The following CLEC1A variants were observed in gnomAD, a reference collection of about 807,000 sequenced individuals.
The protein encoded by CLEC1A is C-type lectin-like receptor-1.
Under a neutral mutation model 28.7 loss-of-function variants are expected in CLEC1A, and 34 were observed. The observed-to-expected ratio is 1.18, with a 90% CI of 0.90 to 1.57. The LOEUF (loss-of-function observed/expected upper bound fraction) is 1.57, where lower values mean the gene tolerates loss of function less well. CLEC1A is among the 40% of genes most tolerant of loss of function. The pLI is 0.00. For synonymous variants in CLEC1A, 116 were observed against 121.0 expected, an observed-to-expected ratio of 0.96 and a Z score of 0.27; for missense variants, 385 against 339.5, an observed-to-expected ratio of 1.13 and a Z score of -1.05.
intron 3 of CLEC1A, among the ~76,000 whole-genome samples, chr12:10,079,522 TA>T (rs113337094): frequency 0.28 from 42,936 of 151,876 alleles, 6,942 homozygotes; most frequent in African/African-American, 0.45. Flanking sequence ...TCGGTTACCT[TA>T]AAAAAAAATT....
chr12:10,090,154 C>G lies in CLEC1A; in HGVS notation c.116-932G>C, dbSNP rs556884337. ...AACAAACTGTGATCTCTTTGTAGCC[C>G]GTTAGTTCTACTTCACTGAGAATTC... On this transcript the variant is annotated intron_variant, in intron 1 of 5. Transcript: ENST00000315330. 2.6e-5 allele frequency among the ~76,000 whole-genome samples: 4 copies of G among 152,216 alleles called. No homozygotes were observed. In the South Asian group the frequency reaches 8.3e-4, roughly 32 times the overall value.
intron 3 of CLEC1A, among the ~76,000 whole-genome samples, 183 bp downstream of exon 3, chr12:10,081,054 A>T (rs1296311831): frequency 6.6e-6 from 1 of 152,138 alleles, no homozygotes; most frequent in East Asian, 1.9e-4. Flanking sequence ...CCCTTGATGC[A>T]TGGTATCACA....
At chr12:10,084,046 A>G (rs868162559) in intron 2 of CLEC1A, 3 of 152,210 alleles carry the variant, frequency 2.0e-5, no homozygotes, top group Non-Finnish European at 4.4e-5. Flanking sequence ...TTGGAGTTAT[A>G]GTAAATGGCC....
intron 1 of CLEC1A, among the ~76,000 whole-genome samples, chr12:10,089,788 G>A (rs892810481): frequency 2.0e-5 from 3 of 152,090 alleles, no homozygotes; most frequent in African/African-American, 7.2e-5. Context: ...TCCCGCTATT[G>A]TAAGGATATT....
At chr12:10,090,545 T>C (rs528532754) in intron 1 of CLEC1A, among the ~76,000 whole-genome samples, 1 of 152,272 alleles carries the variant, frequency 6.6e-6, no homozygotes, top group South Asian at 2.1e-4. Flanking sequence ...ATTACAGGCA[T>C]GAGCCACCGC....
intron 1 of CLEC1A, among the ~76,000 whole-genome samples, chr12:10,092,082 C>T (rs1327618842): frequency 2.6e-5 from 4 of 152,130 alleles, no homozygotes; most frequent in African/African-American, 9.7e-5. Context: ...CATTAATATG[C>T]ATCTCAAAGT....
chr12:10,082,342 T>C (rs1866390009), intron 2 of CLEC1A, among the ~76,000 whole-genome samples: 1 of 151,992 alleles, frequency 6.6e-6, no homozygotes, highest in Non-Finnish European at 1.5e-5. Context: ...GTGGTGTTGG[T>C]GGGGCATGGG....
chr12:10,086,677 C>A (rs931295440), intron 2 of CLEC1A, among the ~76,000 whole-genome samples: 1 of 152,056 alleles, frequency 6.6e-6, no homozygotes, highest in Non-Finnish European at 1.5e-5. Flanking sequence ...ACATTGCCAA[C>A]AAATTAAAGT....
At chr12:10,088,771 C>A (rs1327540552) in intron 2 of CLEC1A, among the ~76,000 whole-genome samples, 2 of 152,030 alleles carry the variant, frequency 1.3e-5, no homozygotes, top group Non-Finnish European at 2.9e-5. Flanking sequence ...GCCCACTGAA[C>A]CTTGTATTCT....
At chr12:10,094,144 T>C (rs542410926) in intron 1 of CLEC1A, among the ~76,000 whole-genome samples, 18 of 152,266 alleles carry the variant, frequency 1.2e-4, no homozygotes, top group African/African-American at 2.4e-5. Flanking sequence ...CTCAATTTTA[T>C]ATCCCCATCA....
chr12:10,077,452 GA>G (rs1346323425), intron 3 of CLEC1A, among the ~76,000 whole-genome samples: 1 of 152,004 alleles, frequency 6.6e-6, no homozygotes, highest in African/African-American at 2.4e-5. Flanking sequence ...TTTTAAAGGA[GA>G]AAAATGCATA....
intron 3 of CLEC1A, among the ~76,000 whole-genome samples, chr12:10,077,330 TACAGAC>T (rs1230976571): frequency 7.2e-5 from 11 of 152,136 alleles, no homozygotes; most frequent in Admixed American, 7.2e-4. Context: ...TAGATATAGG[TACAGAC>T]ATAGATATAG....
intron 3 of CLEC1A, among the ~76,000 whole-genome samples, chr12:10,076,654 C>T (rs1355875621): frequency 6.6e-6 from 1 of 152,066 alleles, no homozygotes; most frequent in Admixed American, 6.6e-5. Flanking sequence ...CTCAGACGTT[C>T]TAAAACACAG....
rs748354597 is a variant in CLEC1A at position 10,077,700 on chromosome 12, G to A, written c.392-2045C>T. 5.3e-5 allele frequency among the ~76,000 whole-genome samples: 8 copies of A among 152,142 alleles called. No individual in the cohort carries two copies. In the East Asian group the frequency reaches 7.7e-4, roughly 15 times the overall value. On this transcript the variant is annotated intron_variant, in intron 3 of 5. Coordinates refer to ENST00000315330, the MANE Select transcript of CLEC1A (RefSeq NM_016511.4). ...TTAGCAAGGCCAATAACCCCAGGAC[G>A]GGCATTCCATTTCATAAATACATGA...
chr12:10,092,472 G>A, intron 1 of CLEC1A: 1 of 378,660 alleles, frequency 2.6e-6, no homozygotes. Context: ...GCTTGAGCCA[G>A]GGAGGTCAAG....
At chr12:10,082,363 CT>C (rs1195864647) in intron 2 of CLEC1A, among the ~76,000 whole-genome samples, 1 of 152,118 alleles carries the variant, frequency 6.6e-6, no homozygotes, top group Non-Finnish European at 1.5e-5. Context: ...GGGAGCAAGA[CT>C]TGCATCACCA....
chr12:10,089,254 G>A, intron 1 of CLEC1A, 32 bp from the exon 2 acceptor site: 1 of 1,581,984 alleles, frequency 6.3e-7, no homozygotes, highest in Non-Finnish European at 8.7e-7. Context: ...GCAGAGTTTG[G>A]CTTTTTCTTC....
chr12:10,089,249 G>A (rs761455600), intron 1 of CLEC1A, 27 bp from the exon 2 acceptor site: 1 of 1,595,266 alleles, frequency 6.3e-7, no homozygotes, highest in South Asian at 1.1e-5. Context: ...AGAAAGCAGA[G>A]TTTGGCTTTT....
intron 1 of CLEC1A, among the ~76,000 whole-genome samples, chr12:10,096,525 G>C (rs985315852): frequency 2.6e-5 from 4 of 152,044 alleles, no homozygotes; most frequent in African/African-American, 9.7e-5. Context: ...AGCCAGGAAG[G>C]TCTTTCCAAA....
Sources: gnomAD v4.1 joint callset for allele counts (sites outside exome capture counted in the v4.1 genomes callset) on GRCh38, gnomAD v4.1.1 for gene constraint, MANE v1.5 for transcripts, NCBI Gene and HGNC (gene_info 2026-07-23, HGNC 2026-07-21) for gene names.